CFAP77: variants seen among roughly 807,000 people sequenced by gnomAD.
CFAP77 encodes cilia- and flagella-associated protein 77.
Under a neutral mutation model 31.1 loss-of-function variants are expected in CFAP77, and 25 were observed. The observed-to-expected ratio is 0.80, with a 90% CI of 0.59 to 1.12. CFAP77 has a LOEUF of 1.12. CFAP77 is among the 50% of genes most tolerant of loss of function. The pLI, the probability that CFAP77 is intolerant of heterozygous loss-of-function variation, is 0.00. For synonymous variants in CFAP77, 151 were observed against 159.9 expected, an observed-to-expected ratio of 0.94 and a Z score of 0.42; for missense variants, 377 against 397.3, an observed-to-expected ratio of 0.95 and a Z score of 0.44.
chr9:132,521,650 T>G (rs114596337), intron 3 of CFAP77, among the ~76,000 whole-genome samples: 2,046 of 151,744 alleles, frequency 0.013, 42 homozygotes, highest in African/African-American at 0.047. Flanking sequence ...GGGAGGACTC[T>G]GCATTTGGGA....
chr9:132,498,833 G>A lies in CFAP77; in HGVS notation c.295+39G>A. On this transcript the variant is annotated intron_variant, in intron 2 of 5. Transcript: ENST00000393216. The surrounding 1 kb of genome is among the most constrained non-coding windows in gnomAD (Gnocchi z 4.2). Reference sequence around the variant, plus strand: ...TTTGGAGCATGAGGGCAGAGGAGTGGGAGGGAGGCTCACCCCTCTTCACAG... The same window carrying A: ...TTTGGAGCATGAGGGCAGAGGAGTGAGAGGGAGGCTCACCCCTCTTCACAG... 1.4e-6 allele frequency: 2 copies of A among 1,441,922 alleles called. No individual in the cohort carries two copies. Among genetic ancestry groups the A allele is most frequent in the Non-Finnish European group, 1.9e-6 (2 of 1,037,692 alleles). 89.3% of individuals were successfully genotyped at this position (1,441,922 alleles called of 1,614,324 possible). A position where few individuals can be genotyped will look rare whatever the true frequency, so the allele number is the denominator to read the frequency against.
intron 5 of CFAP77, among the ~76,000 whole-genome samples, chr9:132,551,904 T>TA (rs1476342130): frequency 6.6e-6 from 1 of 152,182 alleles, no homozygotes; most frequent in Non-Finnish European, 1.5e-5. Context: ...TGAGGGATTT[T>TA]ATGAGTGTCC....
intron 3 of CFAP77, among the ~76,000 whole-genome samples, chr9:132,525,737 C>T (rs1436614673): frequency 1.3e-5 from 2 of 152,226 alleles, no homozygotes; most frequent in Non-Finnish European, 2.9e-5. Flanking sequence ...CTTCCTCACA[C>T]CCCCTATAGT....
chr9:132,446,474 C>T (rs893322906), intron 1 of CFAP77, among the ~76,000 whole-genome samples: 4 of 152,040 alleles, frequency 2.6e-5, no homozygotes, highest in East Asian at 1.9e-4. Context: ...GGCGTGGTGG[C>T]TCACGCCTGT....
intron 3 of CFAP77, among the ~76,000 whole-genome samples, chr9:132,513,855 C>G (rs905068062): frequency 2.0e-5 from 3 of 152,170 alleles, no homozygotes; most frequent in African/African-American, 7.2e-5. Flanking sequence ...GCCCCATCTG[C>G]CCTCCCATCT....
intron 1 of CFAP77, among the ~76,000 whole-genome samples, chr9:132,439,393 G>A (rs556675221): frequency 6.6e-6 from 1 of 152,146 alleles, no homozygotes; most frequent in South Asian, 2.1e-4. Flanking sequence ...ATGAGGCTCT[G>A]TGATTAAGCC....
At chr9:132,425,881 G>C (rs1057090383) in intron 1 of CFAP77, among the ~76,000 whole-genome samples, 5 of 152,180 alleles carry the variant, frequency 3.3e-5, no homozygotes, top group African/African-American at 1.2e-4. Flanking sequence ...TTTGAATGAA[G>C]AGCCTTGTCA....
intron 1 of CFAP77, among the ~76,000 whole-genome samples, chr9:132,444,164 C>A (rs2131705468): frequency 6.6e-6 from 1 of 152,362 alleles, no homozygotes; most frequent in South Asian, 2.1e-4. Flanking sequence ...GGTGGCTTTG[C>A]AGCTCCGTGG....
At chr9:132,467,848 G>T (rs1445299412) in intron 1 of CFAP77, among the ~76,000 whole-genome samples, 1 of 152,120 alleles carries the variant, frequency 6.6e-6, no homozygotes, top group Non-Finnish European at 1.5e-5. Context: ...CCATATCCTT[G>T]CCAGCACTTG....
At position 132,565,876 on chromosome 9, in the gene CFAP77, C is replaced by T. The variant is rs1392711909; in HGVS notation, c.733-6512C>T. Among the ~76,000 whole-genome samples, 5 of 152,222 alleles carry T rather than the reference C, an allele frequency of 3.3e-5. No homozygotes were observed. The highest frequency in any genetic ancestry group is 9.6e-5 in the African/African-American group (4 of 41,460). On this transcript the variant is annotated intron_variant, in intron 5 of 5. Transcript: ENST00000393216. The surrounding 1 kb of genome is among the most constrained non-coding windows in gnomAD (Gnocchi z 4.1). ...GCCAACCGGGATAAAGCCTCCCGCT[C>T]GCCCGGCTCCCAGGGCTGCTGGCGG... is the stretch of plus-strand genomic sequence containing the variant.
chr9:132,492,296 A>C (rs1564225887), intron 1 of CFAP77, among the ~76,000 whole-genome samples: 1 of 150,930 alleles, frequency 6.6e-6, no homozygotes. Flanking sequence ...TCAAAAAAGA[A>C]CCCCCCCCAA....
At chr9:132,458,441 G>T (rs1353368154) in intron 1 of CFAP77, among the ~76,000 whole-genome samples, 1 of 151,274 alleles carries the variant, frequency 6.6e-6, no homozygotes, top group Non-Finnish European at 1.5e-5. Flanking sequence ...TTTTCCCATC[G>T]TTGCTGCATC....
chr9:132,542,483 C>T (rs1156314021), intron 4 of CFAP77, among the ~76,000 whole-genome samples: 1 of 152,186 alleles, frequency 6.6e-6, no homozygotes, highest in African/African-American at 2.4e-5. Context: ...CCCTGAGTCC[C>T]CCGAAGAAGC....
intron 1 of CFAP77, among the ~76,000 whole-genome samples, chr9:132,449,071 C>A (rs1292728944): frequency 6.6e-6 from 1 of 152,218 alleles, no homozygotes; most frequent in Non-Finnish European, 1.5e-5. Context: ...GAAAGCTTCA[C>A]AGAGGGGGCC....
chr9:132,494,112 A>G (rs1323308420), intron 1 of CFAP77, among the ~76,000 whole-genome samples: 1 of 152,178 alleles, frequency 6.6e-6, no homozygotes, highest in Non-Finnish European at 1.5e-5. Flanking sequence ...GGGTTTTGCT[A>G]TATTGCCCAG....
chr9:132,475,835 C>G (rs1158153832), intron 1 of CFAP77, among the ~76,000 whole-genome samples: 2 of 152,164 alleles, frequency 1.3e-5, no homozygotes, highest in African/African-American at 4.8e-5. Flanking sequence ...TGGTAGTAGT[C>G]CAGCTTTCCC....
intron 1 of CFAP77, among the ~76,000 whole-genome samples, chr9:132,488,024 A>T (rs917953514): frequency 1.3e-5 from 2 of 152,164 alleles, no homozygotes; most frequent in Admixed American, 6.5e-5. Flanking sequence ...CTATATACAG[A>T]TATTTATTTA....
At chr9:132,423,778 G>T (rs916062210) in intron 1 of CFAP77, among the ~76,000 whole-genome samples, 1 of 152,228 alleles carries the variant, frequency 6.6e-6, no homozygotes, top group Admixed American at 6.5e-5. Context: ...CATGCCCAAG[G>T]CCACATGAAG....
intron 5 of CFAP77, among the ~76,000 whole-genome samples, chr9:132,563,573 A>G (rs140488084): frequency 7.9e-5 from 12 of 152,312 alleles, no homozygotes; most frequent in African/African-American, 1.4e-4. Context: ...TTGACATGGT[A>G]CTACCGTGAG....
Sources: allele counts gnomAD v4.1 joint callset (sites outside exome capture counted in the v4.1 genomes callset), GRCh38; gene constraint gnomAD v4.1.1; non-coding constraint Gnocchi (gnomAD v3.1); transcripts MANE v1.5; gene names NCBI Gene and HGNC (gene_info 2026-07-23, HGNC 2026-07-21).